Variants in MCM3AP observed in about 807,000 individuals in gnomAD.
MCM3AP encodes the protein minichromosome maintenance complex component 3 associated protein.
Under a neutral mutation model 184.1 loss-of-function variants are expected in MCM3AP, and 126 were observed. The ratio of observed to expected loss-of-function variants is 0.68; its 90% CI spans 0.59 to 0.79. MCM3AP has a LOEUF of 0.79. Among genes scored for constraint, MCM3AP ranks in the 30% least tolerant of loss-of-function variants. The probability of loss-of-function intolerance (pLI) is 0.00; values close to 1 mark genes in which losing one functional copy is unlikely to be tolerated. For synonymous variants in MCM3AP, 1,002 were observed against 979.3 expected, an observed-to-expected ratio of 1.02 and a Z score of -0.43; for missense variants, 2,496 against 2,479.2, an observed-to-expected ratio of 1.01 and a Z score of -0.14.
At chr21:46,274,866 G>C (rs1394053212) in intron 6 of MCM3AP, among the ~76,000 whole-genome samples, 1 of 144,724 alleles carries the variant, frequency 6.9e-6, no homozygotes, top group Non-Finnish European at 1.5e-5. Flanking sequence ...CTGAGCCTGG[G>C]AAGTTGAGGC....
At chr21:46,282,150 A>C (rs937034223) in intron 2 of MCM3AP, among the ~76,000 whole-genome samples, 148 of 152,332 alleles carry the variant, frequency 9.7e-4, no homozygotes, top group African/African-American at 3.4e-3. Context: ...AAATGTAAAA[A>C]TACAAACTTT....
intron 13 of MCM3AP, among the ~76,000 whole-genome samples, chr21:46,261,693 A>G (rs973399747): frequency 4.7e-5 from 7 of 149,874 alleles, no homozygotes; most frequent in South Asian, 2.1e-4. Flanking sequence ...AGATTGCGTC[A>G]CTGTACTCCA....
chr21:46,275,115 A>C, intron 6 of MCM3AP, 71 bp downstream of exon 6: 7 of 1,488,074 alleles, frequency 4.7e-6, no homozygotes, highest in Non-Finnish European at 6.3e-6. Context: ...CACCCAAATC[A>C]AGTATGTACA....
At chr21:46,250,382 C>T (rs2080850536) in intron 20 of MCM3AP, 1 of 152,274 alleles carries the variant, frequency 6.6e-6, no homozygotes, top group African/African-American at 2.4e-5. Context: ...CTGATTCCAC[C>T]TAGTGTTCAT....
rs1039421897 is a variant in MCM3AP, at chr21:46,246,757, C to T, written c.4420G>A (p.Val1474Met). 23 of 1,614,140 alleles carry T rather than the reference C, an allele frequency of 1.4e-5. No homozygotes were observed. The highest frequency in any genetic ancestry group is 1.9e-5 in the Non-Finnish European group (22 of 1,180,052). Residue 1474 changes from valine to methionine, a missense_variant, in exon 21 of 28, where the codon GTG becomes ATG. Physicochemically the swap from Val to Met is conservative, Grantham distance 21. Coordinates refer to ENST00000291688, the MANE Select transcript of MCM3AP (RefSeq NM_003906.5). ...TGCAGCAAGGCCGACAGCCAGTACA[C>T]GTCCTCCTCTGCCATGTCCTCACTC... is the stretch of plus-strand genomic sequence containing the variant. Reference protein sequence around the residue: ...MKSEDMAEEDVYWLSALLQLK... With the variant: ...MKSEDMAEEDMYWLSALLQLK...
At chr21:46,264,428 C>T (rs955095680) in intron 12 of MCM3AP, among the ~76,000 whole-genome samples, 1 of 152,168 alleles carries the variant, frequency 6.6e-6, no homozygotes, top group African/African-American at 2.4e-5. Flanking sequence ...GGCCACACAG[C>T]GCCCTGGCCT....
At chr21:46,239,523 G>A (rs1331224639) in intron 26 of MCM3AP, among the ~76,000 whole-genome samples, 2 of 152,186 alleles carry the variant, frequency 1.3e-5, no homozygotes, top group Admixed American at 6.5e-5. Flanking sequence ...GGATGGAGCC[G>A]CCATCAACAG....
chr21:46,240,726 CTTATATT>C, intron 26 of MCM3AP, 78 bp downstream of exon 26: 1 of 1,238,144 alleles, frequency 8.1e-7, no homozygotes, highest in South Asian at 1.4e-5. Context: ...TCCTGGCTGT[CTTATATT>C]AATCAAGCAA....
In MCM3AP at chr21:46,284,828, C is replaced by T. The variant is rs2081384951; in HGVS notation, c.459G>A (p.Val153=). The part of the protein sequence containing the change: ...EFSFKPLENA[V]FKPILGAESE... ...ATTCAGCCCCCAGTATTGGTTTGAA[C>T]ACTGCATTTTCCAGAGGTTTAAAGC... Residue 153 remains valine, a synonymous_variant, in exon 1 of 28, where the codon GTG becomes GTA. Coordinates refer to ENST00000291688, the MANE Select transcript of MCM3AP (RefSeq NM_003906.5). 6.2e-7 allele frequency: 1 copy of T among 1,613,948 alleles called. No individual in the cohort carries two copies. Among genetic ancestry groups the T allele is most frequent in the African/African-American group, 1.3e-5 (1 of 74,930 alleles).
intron 23 of MCM3AP, chr21:46,244,583 C>A: frequency 1.7e-6 from 1 of 579,746 alleles, no homozygotes; most frequent in East Asian, 2.9e-5. Context: ...CCTTGCTGGT[C>A]AGGAAAGGCT....
chr21:46,243,419 G>A, intron 24 of MCM3AP, 46 bp downstream of exon 24: 1 of 1,540,524 alleles, frequency 6.5e-7, no homozygotes, highest in Admixed American at 2.1e-5. Flanking sequence ...ACTGGACCAG[G>A]AAAGTCTCGT....
intron 27 of MCM3AP, 105 bp downstream of exon 27, chr21:46,236,723 CG>C (rs1569046608): frequency 2.7e-6 from 2 of 746,576 alleles, no homozygotes; most frequent in Non-Finnish European, 4.3e-6. Context: ...AATAATTTGT[CG>C]GTCATCAAAA....
intron 6 of MCM3AP, among the ~76,000 whole-genome samples, chr21:46,273,924 C>T (rs1156849549): frequency 6.6e-6 from 1 of 152,222 alleles, no homozygotes; most frequent in Non-Finnish European, 1.5e-5. Flanking sequence ...CCCGCTCACA[C>T]ACCAGATTAA....
At chr21:46,244,310 A>G (rs1199052130) in intron 23 of MCM3AP, among the ~76,000 whole-genome samples, 2 of 152,258 alleles carry the variant, frequency 1.3e-5, no homozygotes, top group Non-Finnish European at 2.9e-5. Flanking sequence ...TCTGTGTCAA[A>G]ACAGCCCAAA....
At chr21:46,236,731 A>G in intron 27 of MCM3AP, 98 bp downstream of exon 27, 1 of 853,766 alleles carries the variant, frequency 1.2e-6, no homozygotes, top group Non-Finnish European at 1.8e-6. Context: ...GTCGGTCATC[A>G]AAACATCATA....
At chr21:46,263,313 G>A (rs951271221) in intron 13 of MCM3AP, among the ~76,000 whole-genome samples, 7 of 151,824 alleles carry the variant, frequency 4.6e-5, no homozygotes, top group African/African-American at 1.4e-4. Flanking sequence ...CTGGGCGACA[G>A]AGCGAGACTC....
At chr21:46,282,777 C>G (rs2081350069) in intron 2 of MCM3AP, among the ~76,000 whole-genome samples, 2 of 151,144 alleles carry the variant, frequency 1.3e-5, no homozygotes, top group Non-Finnish European at 2.9e-5. Context: ...GGCACTCCAG[C>G]CTGGGTGACA....
Position 46,236,971 on chromosome 21 carries a change from T to C in MCM3AP, c.5642A>G (p.Asp1881Gly), listed in dbSNP as rs746088986. 1.2e-5 allele frequency: 18 copies of C among 1,522,380 alleles called. No homozygotes were observed. Among genetic ancestry groups the C allele is most frequent in the Admixed American group, 2.5e-5 (1 of 40,100 alleles). 94.3% of individuals were successfully genotyped at this position (1,522,380 alleles called of 1,614,324 possible). A position where few individuals can be genotyped will look rare whatever the true frequency, so the allele number is the denominator to read the frequency against. The change falls in exon 27 of 28, where the codon GAT (aspartate) becomes GGT (glycine). Residue 1881 changes from aspartate to glycine, a missense_variant. Coordinates refer to ENST00000291688, the MANE Select transcript of MCM3AP (RefSeq NM_003906.5). ...LEKEENKRFEDQLQQWLSEDS... is the reference protein window; with the variant it reads ...LEKEENKRFEGQLQQWLSEDS... ...TTCAGACAACCATTGCTGAAGCTGA[T>C]CTTCAAACCTGAAACAATATGTAAT...
chr21:46,261,042 CCT>C lies in MCM3AP; in HGVS notation c.3468-138_3468-137del, dbSNP rs936008980. ...GGTAGGCCACCCCTACTCCAGCTCCCCTGACACCACCTCCCTTCCCCTGCCTT... is the reference window on the plus strand; with the variant it reads ...GGTAGGCCACCCCTACTCCAGCTCCCGACACCACCTCCCTTCCCCTGCCTT... On this transcript the variant is annotated intron_variant, in intron 14 of 27. Coordinates refer to ENST00000291688, the MANE Select transcript of MCM3AP (RefSeq NM_003906.5). 54 of 815,498 alleles carry C rather than the reference CCT, an allele frequency of 6.6e-5. No homozygotes were observed. In the African/African-American group the frequency reaches 8.3e-4, roughly 13 times the overall value. 50.5% of individuals were successfully genotyped at this position (815,498 alleles called of 1,614,324 possible). A position where few individuals can be genotyped will look rare whatever the true frequency, so the allele number is the denominator to read the frequency against.
Sources: gnomAD v4.1 joint callset for allele counts (sites outside exome capture counted in the v4.1 genomes callset) on GRCh38, gnomAD v4.1.1 for gene constraint, MANE v1.5 for transcripts, NCBI Gene and HGNC (gene_info 2026-07-23, HGNC 2026-07-21) for gene names.